Variants in LRRC4B observed in about 807,000 individuals in gnomAD.
The protein encoded by LRRC4B is leucine rich repeat containing 4B.
Under a neutral mutation model 7.3 loss-of-function variants are expected in LRRC4B, and 1 was observed. That is an observed-to-expected ratio of 0.14 (90% CI 0.05 to 0.65). The LOEUF (loss-of-function observed/expected upper bound fraction) is 0.65, where lower values mean the gene tolerates loss of function less well. Ranked by LOEUF, LRRC4B falls within the 30% of genes least tolerant of loss-of-function variation. The pLI is 0.84. For synonymous variants in LRRC4B, 500 were observed against 499.2 expected, an observed-to-expected ratio of 1.00 and a Z score of -0.02; for missense variants, 730 against 1,041.6, an observed-to-expected ratio of 0.70 and a Z score of 4.12.
chr19:50,531,164 G>A lies in LRRC4B; in HGVS notation c.298-11749C>T, dbSNP rs902847435. On this transcript the variant is annotated intron_variant, in intron 2 of 2. Coordinates refer to ENST00000652263, the MANE Select transcript of LRRC4B (RefSeq NM_001080457.2). ...CCTCCATGCCCACCTCCTGCCTGCA[G>A]CTCCCGGAGCCTCTGCGGCACCCCA... Among the ~76,000 whole-genome samples, 10 of 152,226 alleles carry A rather than the reference G, an allele frequency of 6.6e-5. No individual in the cohort carries two copies. The South Asian group carries it at 2.1e-3, about 31-fold the overall frequency.
chr19:50,561,311 A>C (rs62116098), intron 1 of LRRC4B, among the ~76,000 whole-genome samples: 27,600 of 151,954 alleles, frequency 0.18, 2,878 homozygotes, highest in African/African-American at 0.29. Flanking sequence ...TACAACCCCC[A>C]CGTCGGTGAG....
rs540257382 is a variant in LRRC4B at position 50,535,015 on chromosome 19, C to T, written c.297+13527G>A. ...TCCCGAGTAGCTGGGATTACAGGCGCCTGCCACCACACCCAGCTAATTGTT... is the reference window on the plus strand; with the variant it reads ...TCCCGAGTAGCTGGGATTACAGGCGTCTGCCACCACACCCAGCTAATTGTT... On this transcript the variant is annotated intron_variant, in intron 2 of 2. Coordinates refer to ENST00000652263, the MANE Select transcript of LRRC4B (RefSeq NM_001080457.2). 2.2e-4 allele frequency among the ~76,000 whole-genome samples: 34 copies of T among 151,450 alleles called. No individual in the cohort carries two copies. In the South Asian group the frequency reaches 3.3e-3, roughly 15 times the overall value.
intron 1 of LRRC4B, among the ~76,000 whole-genome samples, chr19:50,554,376 C>A (rs2122914648): frequency 6.6e-6 from 1 of 152,206 alleles, no homozygotes; most frequent in East Asian, 1.9e-4. Flanking sequence ...CGTGCCCCAG[C>A]ACCACCCGGA....
chr19:50,523,200 C>T (rs1304685305), intron 2 of LRRC4B, among the ~76,000 whole-genome samples: 1 of 152,172 alleles, frequency 6.6e-6, no homozygotes, highest in African/African-American at 2.4e-5. Flanking sequence ...CCCAGAAGGC[C>T]ACACAGCCAT....
At chr19:50,551,126 CCCCGCCG>C (rs1001627147) in intron 1 of LRRC4B, 31 of 151,798 alleles carry the variant, frequency 2.0e-4, no homozygotes, top group African/African-American at 7.3e-4. Flanking sequence ...CTCCCCTTCC[CCCCGCCG>C]CCCTCCGCCA....
intron 2 of LRRC4B, among the ~76,000 whole-genome samples, chr19:50,534,234 C>G (rs1422448871): frequency 2.0e-5 from 3 of 152,168 alleles, no homozygotes; most frequent in African/African-American, 7.2e-5. Flanking sequence ...GTACACAGAT[C>G]GTGGAGGCTG....
At chr19:50,552,650 A>AACCATCTG (rs1982127282) in intron 1 of LRRC4B, among the ~76,000 whole-genome samples, 3 of 95,102 alleles carry the variant, frequency 3.2e-5, no homozygotes, top group Admixed American at 1.1e-4. Context: ...CCATCCGTCC[A>AACCATCTG]TCCATCCATC....
chr19:50,545,426 A>AG (rs1981758248), intron 2 of LRRC4B, among the ~76,000 whole-genome samples: 1 of 151,112 alleles, frequency 6.6e-6, no homozygotes, highest in Admixed American at 6.6e-5. Context: ...AAAAAAAAAA[A>AG]AAGAATTAGC....
chr19:50,532,302 C>T (rs1036599680), intron 2 of LRRC4B, among the ~76,000 whole-genome samples: 5 of 152,206 alleles, frequency 3.3e-5, no homozygotes. Flanking sequence ...CTTCCAGTTT[C>T]TCCCTCAGCA....
chr19:50,546,933 A>G (rs1452995117), intron 2 of LRRC4B, among the ~76,000 whole-genome samples: 1 of 152,140 alleles, frequency 6.6e-6, no homozygotes, highest in Admixed American at 6.5e-5. Flanking sequence ...CTAGAATGTG[A>G]GCTGCCGGGG....
At chr19:50,534,481 G>A (rs1981179681) in intron 2 of LRRC4B, among the ~76,000 whole-genome samples, 1 of 152,218 alleles carries the variant, frequency 6.6e-6, no homozygotes, top group Non-Finnish European at 1.5e-5. Flanking sequence ...ACCTAGGCCT[G>A]GGGCCACCTC....
In LRRC4B at chr19:50,518,285, A is replaced by C. The variant is rs1980390620; in HGVS notation, c.1428T>G (p.Gly476=). ...SGGGGPGGSG[G]VGGGSGGYTY... ...TGTAGCCGCCACTGCCCCCTCCAAC[A>C]CCACCACTGCCCCCAGGGCCGCCCC... Residue 476 remains glycine, a synonymous_variant, in exon 3 of 3, where the codon GGT becomes GGG. Transcript: ENST00000652263. The C allele has an allele frequency of 5.6e-6, 9 of 1,593,016 alleles. No individual in the cohort carries two copies. Among genetic ancestry groups the C allele is most frequent in the Non-Finnish European group, 7.7e-6 (9 of 1,170,708 alleles).
intron 2 of LRRC4B, among the ~76,000 whole-genome samples, chr19:50,546,934 G>A (rs1981841880): frequency 1.3e-5 from 2 of 152,246 alleles, no homozygotes; most frequent in South Asian, 4.1e-4. Flanking sequence ...TAGAATGTGA[G>A]CTGCCGGGGC....
rs1481842816 is a variant in LRRC4B at position 50,548,644 on chromosome 19, G to A, written c.195C>T (p.Asn65=). ...GTGTGCAGATCACCCGGCTGGCCTG[G>A]TTGCTGCAGGAGCAGGCCACGGGGC... ...TSCPVACSCS[N]QASRVICTRR... The change falls in exon 2 of 3, where the codon AAC becomes AAT. Residue 65 remains asparagine, a synonymous_variant. Coordinates refer to ENST00000652263, the MANE Select transcript of LRRC4B (RefSeq NM_001080457.2). The surrounding 1 kb of genome is among the most constrained non-coding windows in gnomAD (Gnocchi z 6.8). 1.9e-6 allele frequency: 3 copies of A among 1,579,398 alleles called. No homozygotes were observed. The highest frequency in any genetic ancestry group is 1.2e-5 in the South Asian group (1 of 86,926).
Position 50,518,352 on chromosome 19 carries a change from G to C in LRRC4B, c.1361C>G (p.Ser454Trp). ...CCCGGCCGCCACGGGGTCCACGGCCGAGACGTTGAGCGTGGCCGAGGCGGT... is the reference window on the plus strand; with the variant it reads ...CCCGGCCGCCACGGGGTCCACGGCCCAGACGTTGAGCGTGGCCGAGGCGGT... ...NTTASATLNV[S>W]AVDPVAAGGT... The change falls in exon 3 of 3, where the codon TCG becomes TGG. Residue 454 changes from serine to tryptophan, a missense_variant. Ser to Trp is a radical substitution (Grantham distance 177). Coordinates refer to ENST00000652263, the MANE Select transcript of LRRC4B (RefSeq NM_001080457.2). The C allele has an allele frequency of 6.2e-7, 1 of 1,605,270 alleles. No individual in the cohort carries two copies. The highest frequency in any genetic ancestry group is 8.5e-7 in the Non-Finnish European group (1 of 1,176,926).
chr19:50,538,222 C>A (rs1981376236), intron 2 of LRRC4B, among the ~76,000 whole-genome samples: 1 of 152,188 alleles, frequency 6.6e-6, no homozygotes, highest in Non-Finnish European at 1.5e-5. Flanking sequence ...ACTACCACTC[C>A]CAGATAATTT....
chr19:50,536,284 T>A (rs1183554010), intron 2 of LRRC4B, among the ~76,000 whole-genome samples: 3 of 151,938 alleles, frequency 2.0e-5, no homozygotes, highest in Non-Finnish European at 4.4e-5. Flanking sequence ...CAGTAACACA[T>A]CACCACACCT....
intron 2 of LRRC4B, among the ~76,000 whole-genome samples, chr19:50,540,490 G>A (rs1390289269): frequency 6.6e-6 from 1 of 152,058 alleles, no homozygotes; most frequent in Non-Finnish European, 1.5e-5. Context: ...CTGAGTATCT[G>A]GGATTACAGA....
rs528414439 is a variant in LRRC4B, at chr19:50,560,864, G to A, written c.-36+7080C>T. Among the ~76,000 whole-genome samples, 10 of 152,248 alleles carry A rather than the reference G, an allele frequency of 6.6e-5. No homozygotes were observed. In the South Asian group the frequency reaches 1.5e-3, roughly 22 times the overall value. On this transcript the variant is annotated intron_variant, in intron 1 of 2. Transcript: ENST00000652263. ...AGCACTTTGGGAGGCCGAGACGGGCGGATCGCTTGAGGTCAGGAGTTCAAG... is the reference window on the plus strand; with the variant it reads ...AGCACTTTGGGAGGCCGAGACGGGCAGATCGCTTGAGGTCAGGAGTTCAAG...
Sources: gnomAD v4.1 joint callset for allele counts (sites outside exome capture counted in the v4.1 genomes callset) on GRCh38, gnomAD v4.1.1 for gene constraint, Gnocchi (gnomAD v3.1) non-coding constraint, MANE v1.5 for transcripts, NCBI Gene and HGNC (gene_info 2026-07-23, HGNC 2026-07-21) for gene names.